LIG1: variants seen among roughly 807,000 people sequenced by gnomAD.
The protein encoded by LIG1 is ligase I, DNA, ATP-dependent.
A neutral mutation model predicts 115.7 loss-of-function variants in LIG1; 70 were observed. That is an observed-to-expected ratio of 0.60 (90% CI 0.50 to 0.74). The LOEUF is 0.74. Among genes scored for constraint, LIG1 ranks in the 30% least tolerant of loss-of-function variants. The pLI, the probability that LIG1 is intolerant of heterozygous loss-of-function variation, is 0.00. For synonymous variants in LIG1, 487 were observed against 495.3 expected (o/e 0.98, Z 0.22); for missense variants, 1,115 against 1,225.6 (o/e 0.91, Z 1.35).
chr19:48,156,938 CAA>C (rs370802542), intron 5 of LIG1, 74 bp downstream of exon 5: 36,935 of 593,582 alleles, frequency 0.062, 45 homozygotes, highest in African/African-American at 0.11. Flanking sequence ...GACTATGTCT[CAA>C]AAAAAAAAAA....
chr19:48,121,619 T>C (rs1052873401), intron 23 of LIG1, among the ~76,000 whole-genome samples: 2 of 151,958 alleles, frequency 1.3e-5, no homozygotes, highest in Admixed American at 6.6e-5. Context: ...CTGACCAACA[T>C]GGAGAAACCC....
intron 7 of LIG1, among the ~76,000 whole-genome samples, chr19:48,150,614 C>T (rs574754047): frequency 6.6e-6 from 1 of 152,184 alleles, no homozygotes; most frequent in Non-Finnish European, 1.5e-5. Flanking sequence ...CCTCTAAAAT[C>T]CTGTAACTCA....
In LIG1 at chr19:48,115,511, C is replaced by T; in HGVS notation, c.*138G>A. 1 of 685,666 alleles carries T rather than the reference C, an allele frequency of 1.5e-6. No homozygotes were observed. The highest frequency in any genetic ancestry group is 1.5e-5 in the South Asian group (1 of 64,578). The allele number at this position is 685,666 out of a possible 1,614,324, so 42.5% of individuals were successfully genotyped here. On this transcript the variant is annotated 3_prime_UTR_variant, in exon 28 of 28. Transcript: ENST00000263274. ...AATCCCAGACTCCGGAGTAAGCCACCCCCTCACACACACACCCCTCCCCTG... is the reference window on the plus strand; with the variant it reads ...AATCCCAGACTCCGGAGTAAGCCACTCCCTCACACACACACCCCTCCCCTG...
At chr19:48,140,480 ACT>A (rs1224844066) in intron 11 of LIG1, among the ~76,000 whole-genome samples, 1 of 152,114 alleles carries the variant, frequency 6.6e-6, no homozygotes. Flanking sequence ...TCGTGGCTTG[ACT>A]CTGAAACGAA....
intron 7 of LIG1, 149 bp from the exon 8 acceptor site, chr19:48,150,359 A>G: frequency 8.2e-7 from 1 of 1,225,400 alleles, no homozygotes; most frequent in Non-Finnish European, 1.2e-6. Context: ...TTGAGCTGAG[A>G]TCTCAGGCCT....
In LIG1 at chr19:48,168,839, G is replaced by A. The variant is rs926982079; in HGVS notation, c.-58+1402C>T. On this transcript the variant is annotated intron_variant, in intron 1 of 27. Transcript: ENST00000263274. ...AACCACTGACTTGTACACTTTAAAT[G>A]GGCACTTTAAATACACTGAAATACA... Among the ~76,000 whole-genome samples the A allele has an allele frequency of 1.2e-4, 18 of 152,224 alleles. No individual in the cohort carries two copies. In the East Asian group the frequency reaches 3.3e-3, roughly 28 times the overall value.
intron 9 of LIG1, among the ~76,000 whole-genome samples, chr19:48,148,162 G>A (rs1026539763): frequency 1.3e-4 from 20 of 152,102 alleles, no homozygotes; most frequent in Admixed American, 9.2e-4. Context: ...GTTGTAGGCC[G>A]GGGTCAAGCA....
intron 21 of LIG1, among the ~76,000 whole-genome samples, chr19:48,126,268 A>G (rs1319038113): frequency 6.6e-6 from 1 of 152,036 alleles, no homozygotes; most frequent in Admixed American, 6.6e-5. Flanking sequence ...TCCTAAAGCA[A>G]GCTGTTCTCA....
Position 48,136,087 on chromosome 19 carries a change from T to C in LIG1, c.1370A>G (p.Gln457Arg), listed in dbSNP as rs772478773. The C allele has an allele frequency of 1.3e-6, 2 of 1,574,380 alleles. No homozygotes were observed. The highest frequency in any genetic ancestry group is 2.3e-5 in the South Asian group (2 of 85,696). ...SGRLRLGLAEQSVLAALSQAV... is the reference protein window; with the variant it reads ...SGRLRLGLAERSVLAALSQAV... ...CTGGGAGAGGGCAGCCAGCACCGAC[T>C]GCTCTGCCAGCCCAAGGCGCAGCCG... The change falls in exon 15 of 28, where the codon CAG (glutamine) becomes CGG (arginine). Residue 457 changes from glutamine to arginine, a missense_variant. Transcript: ENST00000263274.
At chr19:48,158,793 T>G (rs180796037) in intron 4 of LIG1, among the ~76,000 whole-genome samples, 28 of 152,304 alleles carry the variant, frequency 1.8e-4, no homozygotes, top group African/African-American at 6.5e-4. Flanking sequence ...GCTCCCTTCC[T>G]GAAAGATCAG....
chr19:48,133,906 C>G (rs1409558681), intron 17 of LIG1, 75 bp downstream of exon 17: 3 of 1,281,152 alleles, frequency 2.3e-6, no homozygotes, highest in Non-Finnish European at 3.3e-6. Flanking sequence ...GGGGCGCCTA[C>G]GATGGCCACC....
At chr19:48,116,494 T>G (rs1026987102) in intron 26 of LIG1, among the ~76,000 whole-genome samples, 2 of 148,202 alleles carry the variant, frequency 1.3e-5, no homozygotes, top group Non-Finnish European at 3.0e-5. Context: ...GTTACGATAA[T>G]GACGGTAATT....
intron 24 of LIG1, among the ~76,000 whole-genome samples, chr19:48,119,510 G>T (rs996431248): frequency 6.7e-6 from 1 of 149,032 alleles, no homozygotes; most frequent in Non-Finnish European, 1.5e-5. Flanking sequence ...CCCAGTAACT[G>T]GCTGTCCTCA....
rs368406296 is a variant in LIG1 at position 48,121,265 on chromosome 19, C to T, written c.2290G>A (p.Ala764Thr). 83 of 1,613,458 alleles carry T rather than the reference C, an allele frequency of 5.1e-5. No homozygotes were observed. In the African/African-American group the frequency reaches 8.7e-4, roughly 17 times the overall value. Reference protein sequence around the residue: ...GDTLDLVVIGAYLGRGKRAGR... With the variant: ...GDTLDLVVIGTYLGRGKRAGR... ...GCCCGCTTCCCCCGGCCCAGGTAGGCGCCGATCACCACCAGGTCCAGGGTG... is the reference window on the plus strand; with the variant it reads ...GCCCGCTTCCCCCGGCCCAGGTAGGTGCCGATCACCACCAGGTCCAGGGTG... Residue 764 changes from alanine (A) to threonine (T), a missense_variant, in exon 24 of 28, where the codon GCC becomes ACC. Transcript: ENST00000263274.
At chr19:48,167,840 A>T (rs12463259) in intron 1 of LIG1, among the ~76,000 whole-genome samples, 2 of 148,730 alleles carry the variant, frequency 1.3e-5, no homozygotes, top group Non-Finnish European at 3.0e-5. Context: ...AAAAAAAAAA[A>T]AAAAAAAAAA....
chr19:48,161,174 GTGAAGGA>G (rs2036152846), intron 4 of LIG1, 191 bp downstream of exon 4: 6 of 689,974 alleles, frequency 8.7e-6, no homozygotes, highest in Non-Finnish European at 1.3e-5. Flanking sequence ...ACCTAACGTG[GTGAAGGA>G]GCCCACCCGA....
At chr19:48,154,195 G>A (rs554997601) in intron 5 of LIG1, 18 of 550,354 alleles carry the variant, frequency 3.3e-5, no homozygotes, top group South Asian at 1.9e-4. Context: ...GCTCTCTCAC[G>A]ACTGCAGAAT....
intron 11 of LIG1, among the ~76,000 whole-genome samples, chr19:48,142,512 G>C (rs1452321217): frequency 6.6e-6 from 1 of 151,592 alleles, no homozygotes; most frequent in Admixed American, 6.6e-5. Flanking sequence ...ACTGAGAAAT[G>C]GCATGTGCCA....
rs865775725 is a variant in LIG1, at chr19:48,123,035, C to T, written c.2150-19G>A. 1.1e-5 allele frequency: 17 copies of T among 1,613,454 alleles called. No homozygotes were observed. In the Middle Eastern group the frequency reaches 5.0e-4, roughly 47 times the overall value. ...CAGGAGTCTGAGGGAGACACAGAAG[C>T]GTGGTCCTTGGGAAGCCCTGGCTCA... On this transcript the variant is annotated intron_variant, in intron 22 of 27. Coordinates refer to ENST00000263274, the MANE Select transcript of LIG1 (RefSeq NM_000234.3).
Sources: allele counts gnomAD v4.1 joint callset (sites outside exome capture counted in the v4.1 genomes callset), GRCh38; gene constraint gnomAD v4.1.1; transcripts MANE v1.5; gene names NCBI Gene and HGNC (gene_info 2026-07-23, HGNC 2026-07-21).